Variants in SKAP2 observed in about 807,000 individuals in gnomAD.
The protein encoded by SKAP2 is src kinase-associated phosphoprotein 2.
A neutral mutation model predicts 54.9 loss-of-function variants in SKAP2; 28 were observed. That is an observed-to-expected ratio of 0.51 (90% CI 0.38 to 0.70). SKAP2 has a LOEUF of 0.70. SKAP2 is among the 30% of genes least tolerant of loss of function. The pLI, the probability that SKAP2 is intolerant of heterozygous loss-of-function variation, is 0.00. For missense variants in SKAP2, 356 were observed against 424.1 expected, an observed-to-expected ratio of 0.84 and a Z score of 1.41; for synonymous variants, 137 against 134.3, an observed-to-expected ratio of 1.02 and a Z score of -0.14.
At chr7:26,726,756 T>C in intron 7 of SKAP2, 126 bp downstream of exon 7, 1 of 784,580 alleles carries the variant, frequency 1.3e-6, no homozygotes, top group Non-Finnish European at 1.9e-6. Context: ...GCATAATATA[T>C]TTAAACATCA....
At chr7:26,796,571 A>G (rs571054297) in intron 4 of SKAP2, among the ~76,000 whole-genome samples, 1 of 152,378 alleles carries the variant, frequency 6.6e-6, no homozygotes, top group East Asian at 1.9e-4. Context: ...GTTGCTTGAT[A>G]TGTACCATAG....
intron 9 of SKAP2, among the ~76,000 whole-genome samples, chr7:26,703,555 T>C (rs2127946929): frequency 6.6e-6 from 1 of 152,332 alleles, no homozygotes; most frequent in Non-Finnish European, 1.5e-5. Flanking sequence ...GAAGTTTATA[T>C]TACCCTCTTT....
At chr7:26,760,856 T>G in intron 4 of SKAP2, among the ~76,000 whole-genome samples, 1 of 152,066 alleles carries the variant, frequency 6.6e-6, no homozygotes, top group East Asian at 1.9e-4. Context: ...ATGAAAGAAC[T>G]GTCTGACCAG....
At chr7:26,663,030 G>C (rs1786042179), downstream of SKAP2, among the ~76,000 whole-genome samples, 1 of 152,044 alleles carries the variant, frequency 6.6e-6, no homozygotes, top group South Asian at 2.1e-4. Flanking sequence ...TCCTAGATGG[G>C]ACAGGTTATT....
At chr7:26,657,331 C>G in the SKAP2 span, among the ~76,000 whole-genome samples, 1 of 152,150 alleles carries the variant, frequency 6.6e-6, no homozygotes, top group African/African-American at 2.4e-5. Context: ...CATTAACAAC[C>G]AAAGACACTT....
intron 4 of SKAP2, among the ~76,000 whole-genome samples, chr7:26,839,035 T>C (rs1224091015): frequency 6.6e-6 from 1 of 152,198 alleles, no homozygotes; most frequent in African/African-American, 2.4e-5. Flanking sequence ...TTTCATAATG[T>C]TGAGTTTTAC....
chr7:26,687,724 C>G (rs1353541775), intron 10 of SKAP2, among the ~76,000 whole-genome samples: 1 of 152,110 alleles, frequency 6.6e-6, no homozygotes, highest in African/African-American at 2.4e-5. Flanking sequence ...TAAGCACCGA[C>G]AGCCTCAAAA....
intron 4 of SKAP2, among the ~76,000 whole-genome samples, chr7:26,740,368 A>G (rs1475160023): frequency 1.3e-5 from 2 of 152,256 alleles, no homozygotes. Flanking sequence ...CCCTATTCCT[A>G]CCAAGTAAAA....
intron 4 of SKAP2, among the ~76,000 whole-genome samples, chr7:26,756,754 C>A (rs1220645846): frequency 1.3e-5 from 2 of 152,210 alleles, no homozygotes; most frequent in Non-Finnish European, 2.9e-5. Context: ...GGAATCACCA[C>A]ACTGTCTTCC....
At chr7:26,839,915 T>C (rs969471897) in intron 4 of SKAP2, among the ~76,000 whole-genome samples, 3 of 152,034 alleles carry the variant, frequency 2.0e-5, no homozygotes, top group African/African-American at 4.8e-5. Flanking sequence ...AAGAAATCTG[T>C]TGGAAAAAAT....
At position 26,806,232 on chromosome 7, in the gene SKAP2, G is replaced by C. The variant is rs994422352; in HGVS notation, c.307+37798C>G. Among the ~76,000 whole-genome samples the C allele has an allele frequency of 2.6e-5, 4 of 152,136 alleles. No individual in the cohort carries two copies. In the East Asian group the frequency reaches 5.8e-4, roughly 22 times the overall value. ...TTAATAACCCTACAATGACTTCTAAGTTTTCAAATAAAAGGAAGAATCACA... is the reference window on the plus strand; with the variant it reads ...TTAATAACCCTACAATGACTTCTAACTTTTCAAATAAAAGGAAGAATCACA... On this transcript the variant is annotated intron_variant, in intron 4 of 12. Coordinates refer to ENST00000345317, the MANE Select transcript of SKAP2 (RefSeq NM_003930.5).
intron 10 of SKAP2, among the ~76,000 whole-genome samples, chr7:26,689,673 A>G (rs955236241): frequency 1.3e-5 from 2 of 152,206 alleles, no homozygotes; most frequent in Admixed American, 6.5e-5. Flanking sequence ...AATCATATGC[A>G]ATGAAGATAT....
chr7:26,740,669 T>A (rs1782422037), intron 4 of SKAP2, among the ~76,000 whole-genome samples: 1 of 152,196 alleles, frequency 6.6e-6, no homozygotes, highest in Non-Finnish European at 1.5e-5. Flanking sequence ...GTGTTCAATA[T>A]TTTTATAAAC....
intron 6 of SKAP2, among the ~76,000 whole-genome samples, chr7:26,728,387 T>G (rs570302937): frequency 1.2e-4 from 19 of 152,274 alleles, no homozygotes; most frequent in Admixed American, 9.8e-4. Context: ...TAAACTTCTA[T>G]AAGAAAAATT....
chr7:26,830,891 C>T lies in SKAP2; in HGVS notation c.307+13139G>A, dbSNP rs1209499308. 2.0e-5 allele frequency among the ~76,000 whole-genome samples: 3 copies of T among 151,546 alleles called. No homozygotes were observed. The East Asian group carries it at 5.9e-4, about 30-fold the overall frequency. ...TCTCTGGGCTTATTTATTAACAGGG[C>T]ATTTATTTGCTACTAATGACTTTGC... On this transcript the variant is annotated intron_variant, in intron 4 of 12. Transcript: ENST00000345317.
chr7:26,657,188 T>C, the SKAP2 span, among the ~76,000 whole-genome samples: 1 of 152,220 alleles, frequency 6.6e-6, no homozygotes, highest in Non-Finnish European at 1.5e-5. Context: ...CCCCACTGCT[T>C]TGTGACTTGT....
intron 9 of SKAP2, among the ~76,000 whole-genome samples, chr7:26,705,824 C>T (rs1281361055): frequency 6.6e-6 from 1 of 152,008 alleles, no homozygotes; most frequent in Non-Finnish European, 1.5e-5. Context: ...GACAAAGTGG[C>T]CAAAAATTTA....
intron 11 of SKAP2, among the ~76,000 whole-genome samples, chr7:26,671,431 C>A (rs927476494): frequency 8.6e-5 from 13 of 151,946 alleles, no homozygotes; most frequent in Non-Finnish European, 1.5e-4. Flanking sequence ...ATGCTATTGA[C>A]CATCAGAAAG....
At chr7:26,791,226 T>G (rs1387286604) in intron 4 of SKAP2, among the ~76,000 whole-genome samples, 1 of 152,226 alleles carries the variant, frequency 6.6e-6, no homozygotes, top group African/African-American at 2.4e-5. Flanking sequence ...AAGTGATTAT[T>G]AGCCTGTACC....
Sources: allele counts gnomAD v4.1 joint callset (sites outside exome capture counted in the v4.1 genomes callset), GRCh38; gene constraint gnomAD v4.1.1; transcripts MANE v1.5; gene names NCBI Gene and HGNC (gene_info 2026-07-23, HGNC 2026-07-21).